Variants in CCAR2 observed in about 807,000 individuals in gnomAD.
The protein encoded by CCAR2 is cell cycle and apoptosis regulator 2, also known as cell cycle and apoptosis regulator protein 2.
A neutral mutation model predicts 108.1 loss-of-function variants in CCAR2; 21 were observed. That is an observed-to-expected ratio of 0.19 (90% CI 0.14 to 0.28). CCAR2 has a LOEUF of 0.28. Among genes scored for constraint, CCAR2 ranks in the 10% least tolerant of loss-of-function variants. The pLI is 1.00. For synonymous variants in CCAR2, 577 were observed against 472.8 expected (o/e 1.22, Z -2.86); for missense variants, 1,126 against 1,177.0 (o/e 0.96, Z 0.63).
intron 14 of CCAR2, 35 bp from the exon 15 acceptor site, chr8:22,617,385 T>G: frequency 2.0e-6 from 3 of 1,517,750 alleles, no homozygotes; most frequent in Non-Finnish European, 1.8e-6. Flanking sequence ...GGTAACTGCC[T>G]GCCTTTTCCT....
intron 3 of CCAR2, among the ~76,000 whole-genome samples, 181 bp from the exon 4 acceptor site, chr8:22,606,426 G>C (rs1801082020): frequency 6.6e-6 from 1 of 152,148 alleles, no homozygotes; most frequent in Non-Finnish European, 1.5e-5. Context: ...TCAAGAACCA[G>C]CTCAAACATG....
In CCAR2 at chr8:22,611,388, A is replaced by ATGTGTGTGTGTGTGTGTG. The variant is rs145362940; in HGVS notation, c.585-1612_585-1611insGTGTGTGTGTGTGTGTGT. 8.8e-3 allele frequency among the ~76,000 whole-genome samples: 1,129 copies of ATGTGTGTGTGTGTGTGTG among 128,456 alleles called. 25 individuals carry two copies. The highest frequency in any genetic ancestry group is 0.034 in the African/African-American group (1,064 of 31,314). The allele number at this position is 128,456 out of a possible 152,430, so 84.3% of individuals were successfully genotyped here. A position where few individuals can be genotyped will look rare whatever the true frequency, so the allele number is the denominator to read the frequency against. On this transcript the variant is annotated intron_variant, in intron 7 of 20. Coordinates refer to ENST00000308511, the MANE Select transcript of CCAR2 (RefSeq NM_001393997.1). ...AAAAAAAAAAAAAAAAAGTATATATATGTGTGTGTGTGTGTGTATGTGTGT... is the reference window on the plus strand; with the variant it reads ...AAAAAAAAAAAAAAAAAGTATATATATGTGTGTGTGTGTGTGTGTGTGTGTGTGTGTGTGTATGTGTGT...
intron 7 of CCAR2, among the ~76,000 whole-genome samples, chr8:22,611,237 T>C (rs1356860830): frequency 6.6e-6 from 1 of 151,472 alleles, no homozygotes; most frequent in East Asian, 1.9e-4. Context: ...GGTGGGTACC[T>C]GTAATCCCAG....
intron 7 of CCAR2, 46 bp downstream of exon 7, chr8:22,608,111 A>C (rs1801149453): frequency 2.9e-6 from 4 of 1,387,130 alleles, no homozygotes; most frequent in South Asian, 1.2e-5. Flanking sequence ...TGACACTAAC[A>C]TTCTCTTTAT....
At chr8:22,614,663 A>T in intron 10 of CCAR2, 160 bp downstream of exon 10, 2 of 1,037,884 alleles carry the variant, frequency 1.9e-6, no homozygotes, top group Non-Finnish European at 2.9e-6. Context: ...CAGAGCTGTT[A>T]CGACTAGTCA....
downstream of CCAR2, chr8:22,620,685 C>T (rs1041427516): frequency 3.3e-5 from 5 of 152,160 alleles, no homozygotes; most frequent in Non-Finnish European, 5.9e-5. Context: ...TTCCTCTGCT[C>T]GCCTAAGTTA....
chr8:22,621,202 T>A, downstream of CCAR2: 4 of 591,368 alleles, frequency 6.8e-6, no homozygotes, highest in Non-Finnish European at 5.9e-6. Context: ...CCCCAAGGGT[T>A]TGTCTACACT....
At chr8:22,610,019 T>C (rs924509491) in intron 7 of CCAR2, among the ~76,000 whole-genome samples, 2 of 152,210 alleles carry the variant, frequency 1.3e-5, no homozygotes, top group African/African-American at 4.8e-5. Flanking sequence ...GGATTTGGGA[T>C]GCTCAGCCAG....
chr8:22,616,884 TTTTTTTTTTTTTG>T lies in CCAR2; in HGVS notation c.1846-535_1846-523del, dbSNP rs1218043037. Among the ~76,000 whole-genome samples the T allele has an allele frequency of 1.4e-3, 91 of 64,092 alleles. 1 individual carries two copies. The highest frequency in any genetic ancestry group is 6.4e-3 in the African/African-American group (65 of 10,158). 42.0% of individuals were successfully genotyped at this position (64,092 alleles called of 152,430 possible). On this transcript the variant is annotated intron_variant, in intron 14 of 20. Transcript: ENST00000308511. ...TAGTCTGCTTTTTTTTTTTTTTTTT[TTTTTTTTTTTTTG>T]GGGAGATGGAGTCTTGCTCTGTCAC...
In CCAR2 at chr8:22,614,370, G is replaced by A. The variant is rs758408010; in HGVS notation, c.928-20G>A. 4 of 1,613,900 alleles carry A rather than the reference G, an allele frequency of 2.5e-6. No individual in the cohort carries two copies. The highest frequency in any genetic ancestry group is 1.6e-4 in the Middle Eastern group (1 of 6,062). ...ATTTCTGGAGGCTGAAGGCAGCTCTGAGTGTCTCCTCCTGCACAGGTACTG... is the reference window on the plus strand; with the variant it reads ...ATTTCTGGAGGCTGAAGGCAGCTCTAAGTGTCTCCTCCTGCACAGGTACTG... On this transcript the variant is annotated intron_variant, in intron 9 of 20. Coordinates refer to ENST00000308511, the MANE Select transcript of CCAR2 (RefSeq NM_001393997.1).
At chr8:22,617,879 T>C (rs1465595661) in intron 16 of CCAR2, 101 bp downstream of exon 16, 6 of 1,216,828 alleles carry the variant, frequency 4.9e-6, no homozygotes, top group Non-Finnish European at 6.0e-6. Context: ...TGACTTCCTT[T>C]CTTGATGGAC....
intron 1 of CCAR2, chr8:22,605,224 CGGG>C: frequency 5.5e-6 from 1 of 182,498 alleles, no homozygotes; most frequent in Non-Finnish European, 1.2e-5. Context: ...GTCGGGCTTC[CGGG>C]GAGAGGGCCC....
intron 4 of CCAR2, 77 bp downstream of exon 4, chr8:22,606,775 C>G: frequency 6.9e-7 from 1 of 1,459,344 alleles, no homozygotes; most frequent in Non-Finnish European, 9.6e-7. Flanking sequence ...TGCCCCCACC[C>G]GCCTCAAAGC....
rs1801696530 is a variant in CCAR2, at chr8:22,619,885, C to G, written c.*203C>G. 1 of 594,758 alleles carries G rather than the reference C, an allele frequency of 1.7e-6. No homozygotes were observed. Among genetic ancestry groups the G allele is most frequent in the Non-Finnish European group, 3.0e-6 (1 of 333,292 alleles). 36.8% of individuals were successfully genotyped at this position (594,758 alleles called of 1,614,324 possible). A position where few individuals can be genotyped will look rare whatever the true frequency, so the allele number is the denominator to read the frequency against. On this transcript the variant is annotated 3_prime_UTR_variant, in exon 21 of 21. Coordinates refer to ENST00000308511, the MANE Select transcript of CCAR2 (RefSeq NM_001393997.1). ...GATGGATGTGTGAGGAACCCCGGTT[C>G]CACTTAACAACTAAATACAACATCT...
In CCAR2 at chr8:22,619,310, G is replaced by T; in HGVS notation, c.2682G>T (p.Arg894Ser). ...QLQRLLQELR[R>S]RLTPLQLEIQ... ...AGCGGCTGCTGCAGGAGCTCCGCAG[G>T]CGTCTGACCCCCCTGCAGCTGGAGA... The change falls in exon 20 of 21, where the codon AGG (arginine) becomes AGT (serine). Residue 894 changes from arginine (R) to serine (S), a missense_variant. Coordinates refer to ENST00000308511, the MANE Select transcript of CCAR2 (RefSeq NM_001393997.1). 1 of 1,564,346 alleles carries T rather than the reference G, an allele frequency of 6.4e-7. No homozygotes were observed. Among genetic ancestry groups the T allele is most frequent in the Non-Finnish European group, 8.7e-7 (1 of 1,155,200 alleles).
At chr8:22,615,250 C>A in intron 11 of CCAR2, 175 bp from the exon 12 acceptor site, 1 of 921,442 alleles carries the variant, frequency 1.1e-6, no homozygotes, top group East Asian at 2.5e-5. Context: ...GGCCTCCCCA[C>A]TGACTGATCA....
At chr8:22,607,433 G>A (rs977618993) in intron 6 of CCAR2, 108 bp downstream of exon 6, 7 of 1,281,220 alleles carry the variant, frequency 5.5e-6, no homozygotes, top group Non-Finnish European at 7.5e-6. Flanking sequence ...CTATGTACTG[G>A]AAGAAAGGTG....
At position 22,618,314 on chromosome 8, in the gene CCAR2, T is replaced by C. The variant is rs114286398; in HGVS notation, c.2074-35T>C. 1,115 of 1,613,770 alleles carry C rather than the reference T, an allele frequency of 6.9e-4. 9 individuals are homozygous for C. The African/African-American group carries it at 0.013, about 19-fold the overall frequency. On this transcript the variant is annotated intron_variant, in intron 16 of 20. Coordinates refer to ENST00000308511, the MANE Select transcript of CCAR2 (RefSeq NM_001393997.1). ...GGCGATAGAGCCACTGAGGGAACTA[T>C]TTGCAAATCCTGCTCATCTTTGTTT...
chr8:22,610,164 TAG>T (rs1801221994), intron 7 of CCAR2, among the ~76,000 whole-genome samples: 1 of 152,140 alleles, frequency 6.6e-6, no homozygotes, highest in Non-Finnish European at 1.5e-5. Context: ...CATTCGTCAG[TAG>T]AGAGAATGTG....
Sources: allele counts gnomAD v4.1 joint callset (sites outside exome capture counted in the v4.1 genomes callset), GRCh38; gene constraint gnomAD v4.1.1; transcripts MANE v1.5; gene names NCBI Gene and HGNC (gene_info 2026-07-23, HGNC 2026-07-21).